The following VCAN variants were observed in gnomAD, a reference collection of about 807,000 sequenced individuals.
VCAN encodes versican.
A neutral mutation model predicts 245.5 loss-of-function variants in VCAN; 44 were observed. The observed-to-expected ratio is 0.18, with a 90% confidence interval of 0.14 to 0.23. The LOEUF is 0.23. Among genes scored for constraint, VCAN ranks in the 10% least tolerant of loss-of-function variants. VCAN has a pLI of 1.00. For synonymous variants in VCAN, 1,413 were observed against 1,437.0 expected, an observed-to-expected ratio of 0.98 and a Z score of 0.38; for missense variants, 3,793 against 4,057.9, an observed-to-expected ratio of 0.93 and a Z score of 1.77.
Position 83,512,086 on chromosome 5 carries a change from C to A in VCAN, c.749-17C>A. On this transcript the variant is annotated splice_polypyrimidine_tract_variant and intron_variant, in intron 5 of 14. Transcript: ENST00000265077. ...ATAATAAAACTTTGGGCTTTTTTTC[C>A]CTTCTTTTTTTTCCAGGTGATGTGT... is the stretch of plus-strand genomic sequence containing the variant. 1.2e-6 allele frequency: 2 copies of A among 1,613,612 alleles called. No homozygotes were observed. Among genetic ancestry groups the A allele is most frequent in the South Asian group, 2.2e-5 (2 of 91,018 alleles).
In VCAN at chr5:83,541,683, C is replaced by A; in HGVS notation, c.8680C>A (p.Pro2894Thr). The A allele has an allele frequency of 6.2e-7, 1 of 1,613,904 alleles. No homozygotes were observed. The highest frequency in any genetic ancestry group is 8.5e-7 in the Non-Finnish European group (1 of 1,179,994). ...LHITEPPSLS[P>T]DTKLEPSEDD... Reference sequence around the variant, plus strand: ...CATAACTGAGCCTCCCTCTTTATCTCCTGACACAAAATTAGAACCTTCAGA... The same window carrying A: ...CATAACTGAGCCTCCCTCTTTATCTACTGACACAAAATTAGAACCTTCAGA... The change falls in exon 8 of 15, where the codon CCT becomes ACT. Residue 2894 changes from proline (P) to threonine (T), a missense_variant. Around this residue, in one of 5 missense-constraint regions of VCAN, gnomAD observed 3,182 missense variants for 3,250.3 expected, o/e 0.98. Coordinates refer to ENST00000265077, the MANE Select transcript of VCAN (RefSeq NM_004385.5).
At chr5:83,504,260 T>C (rs532508852) in intron 5 of VCAN, among the ~76,000 whole-genome samples, 2 of 152,356 alleles carry the variant, frequency 1.3e-5, no homozygotes, top group South Asian at 4.1e-4. Context: ...TGGAAAACTA[T>C]GGCTTAAGAT....
chr5:83,489,735 T>C (rs990045315), intron 2 of VCAN, among the ~76,000 whole-genome samples: 19 of 152,134 alleles, frequency 1.2e-4, no homozygotes, highest in Non-Finnish European at 2.2e-4. Flanking sequence ...CTAATGTTGG[T>C]CCAGTCCTTT....
intron 5 of VCAN, among the ~76,000 whole-genome samples, chr5:83,506,592 T>C (rs1745490392): frequency 6.6e-6 from 1 of 152,188 alleles, no homozygotes; most frequent in South Asian, 2.1e-4. Flanking sequence ...CACATTTTCC[T>C]CTCTTCTTCT....
rs199683750 is a variant in VCAN at position 83,540,719 on chromosome 5, G to A, written c.7716G>A (p.Ser2572=). Residue 2572 remains serine, a synonymous_variant, in exon 8 of 15, where the codon TCG becomes TCA. Transcript: ENST00000265077. ...TTGAAATTCTACCTGAGCTGACATC[G>A]GATAAAAATACTATCATAGATATTG... ...TILEILPELT[S]DKNTIIDIDH... 2.0e-5 allele frequency: 32 copies of A among 1,613,746 alleles called. No homozygotes were observed. The highest frequency in any genetic ancestry group is 1.6e-4 in the Middle Eastern group (1 of 6,062).
At chr5:83,555,060 T>A (rs1378867003) in intron 12 of VCAN, 22 bp downstream of exon 12, 1 of 1,612,388 alleles carries the variant, frequency 6.2e-7, no homozygotes, top group East Asian at 2.2e-5. Context: ...TTGAAAATGA[T>A]GTCAAGTTCT....
rs752917066 is a variant in VCAN, at chr5:83,541,556, A to T, written c.8553A>T (p.Gly2851=). 6.2e-7 allele frequency: 1 copy of T among 1,613,964 alleles called. No individual in the cohort carries two copies. The highest frequency in any genetic ancestry group is 1.1e-5 in the South Asian group (1 of 91,090). Residue 2851 remains glycine, a synonymous_variant, in exon 8 of 15, where the codon GGA becomes GGT. Transcript: ENST00000265077. ...TEIPQPSALP[G]IDVGSSVMSP... is the part of the protein sequence containing the mutation. ...TCCCCCAGCCCAGTGCTCTGCCAGG[A>T]ATAGACGTCGGCTCATCTGTAATGT...
rs1561258296 is a variant in VCAN, at chr5:83,540,943, C to T, written c.7940C>T (p.Thr2647Ile). The T allele has an allele frequency of 3.7e-6, 6 of 1,613,938 alleles. No homozygotes were observed. Among genetic ancestry groups the T allele is most frequent in the Non-Finnish European group, 3.4e-6 (4 of 1,180,002 alleles). The change falls in exon 8 of 15, where the codon ACT becomes ATT. Residue 2647 changes from threonine (T) to isoleucine (I), a missense_variant. Coordinates refer to ENST00000265077, the MANE Select transcript of VCAN (RefSeq NM_004385.5). ...EGSADVLASYTQATHDESMTY... is the reference protein window; with the variant it reads ...EGSADVLASYIQATHDESMTY... Reference sequence around the variant, plus strand: ...TCTGCTGATGTTCTGGCTAGCTACACTCAGGCAACACATGATGAATCAATG... The same window carrying T: ...TCTGCTGATGTTCTGGCTAGCTACATTCAGGCAACACATGATGAATCAATG...
intron 6 of VCAN, among the ~76,000 whole-genome samples, chr5:83,514,698 A>C (rs1745787581): frequency 6.6e-6 from 1 of 152,112 alleles, no homozygotes; most frequent in East Asian, 1.9e-4. Flanking sequence ...ACCTCAGGTG[A>C]TCCACCCATT....
intron 5 of VCAN, among the ~76,000 whole-genome samples, chr5:83,498,667 A>G (rs1745237349): frequency 6.6e-6 from 1 of 152,222 alleles, no homozygotes. Flanking sequence ...ATACGTGAAC[A>G]ATGAAGATGT....
chr5:83,522,244 C>T lies in VCAN; in HGVS notation c.3938C>T (p.Pro1313Leu), dbSNP rs1288495307. The T allele has an allele frequency of 6.2e-7, 1 of 1,600,554 alleles. No homozygotes were observed. Among genetic ancestry groups the T allele is most frequent in the Admixed American group, 1.7e-5 (1 of 59,960 alleles). Reference sequence around the variant, plus strand: ...CAGGCGCTTTCTACGCCACAGCCCCCAGCAAGCACAAAATTTCACCCTGAC... The same window carrying T: ...CAGGCGCTTTCTACGCCACAGCCCCTAGCAAGCACAAAATTTCACCCTGAC... ...GPQALSTPQPPASTKFHPDIN... is the reference protein window; with the variant it reads ...GPQALSTPQPLASTKFHPDIN... Residue 1313 changes from proline to leucine, a missense_variant, in exon 7 of 15, where the codon CCA becomes CTA. Around this residue, in one of 5 missense-constraint regions of VCAN, gnomAD observed 3,182 missense variants for 3,250.3 expected, o/e 0.98. Coordinates refer to ENST00000265077, the MANE Select transcript of VCAN (RefSeq NM_004385.5).
Position 83,490,080 on chromosome 5 carries a change from A to G in VCAN, c.71-18A>G, listed in dbSNP as rs143037679. ...GGTTTTTTAAGATTGTTAATTTGTT[A>G]TTTTCTCTTTCCTCTAGTCAAAGTG... is the stretch of plus-strand genomic sequence containing the variant. On this transcript the variant is annotated intron_variant, in intron 2 of 14. Transcript: ENST00000265077. 2.8e-3 allele frequency: 4,465 copies of G among 1,612,998 alleles called. 9 individuals carry two copies. Among genetic ancestry groups the G allele is most frequent in the Non-Finnish European group, 3.5e-3 (4,163 of 1,179,946 alleles).
chr5:83,562,305 T>G (rs1747896546), intron 12 of VCAN: 1 of 152,134 alleles, frequency 6.6e-6, no homozygotes, highest in Admixed American at 6.6e-5. Context: ...TAATGAAAAT[T>G]TTGACTTGTG....
Position 83,520,070 on chromosome 5 carries a change from C to T in VCAN, c.1764C>T (p.Asp588=). ...EVITVSKTSE[D]TIHTHLEDLE... is the part of the protein sequence containing the mutation. Reference sequence around the variant, plus strand: ...TTACGGTGTCAAAGACTTCAGAAGACACCATCCACACTCATTTAGAAGACT... The same window carrying T: ...TTACGGTGTCAAAGACTTCAGAAGATACCATCCACACTCATTTAGAAGACT... Residue 588 remains aspartate (D), a synonymous_variant, in exon 7 of 15, where the codon GAC becomes GAT. Coordinates refer to ENST00000265077, the MANE Select transcript of VCAN (RefSeq NM_004385.5). The T allele has an allele frequency of 6.2e-7, 1 of 1,614,068 alleles. No homozygotes were observed. The highest frequency in any genetic ancestry group is 8.5e-7 in the Non-Finnish European group (1 of 1,179,974).
At chr5:83,507,378 C>T (rs993828946) in intron 5 of VCAN, among the ~76,000 whole-genome samples, 1 of 152,196 alleles carries the variant, frequency 6.6e-6, no homozygotes, top group African/African-American at 2.4e-5. Flanking sequence ...TAGTCATTTT[C>T]TCTCACTGAA....
rs895925162 is a variant in VCAN, at chr5:83,512,571, A to G, written c.1042+175A>G. 3 of 834,234 alleles carry G rather than the reference A, an allele frequency of 3.6e-6. No homozygotes were observed. The African/African-American group carries it at 5.2e-5, about 14-fold the overall frequency. 51.7% of individuals were successfully genotyped at this position (834,234 alleles called of 1,614,324 possible). A position where few individuals can be genotyped will look rare whatever the true frequency, so the allele number is the denominator to read the frequency against. On this transcript the variant is annotated intron_variant, in intron 6 of 14. Coordinates refer to ENST00000265077, the MANE Select transcript of VCAN (RefSeq NM_004385.5). ...AACTGAACAGCAGTGATATGGTTAAAACCACAGGAATTTTGGCAAATGGAT... is the reference window on the plus strand; with the variant it reads ...AACTGAACAGCAGTGATATGGTTAAGACCACAGGAATTTTGGCAAATGGAT...
Position 83,569,006 on chromosome 5 carries a change from C to A in VCAN, c.9736-3410C>A, listed in dbSNP as rs756298469. ...TAATAATTTAACACTTGTTTTACTA[C>A]CCCCCATTTCTTTATTTATTCTTCA... On this transcript the variant is annotated intron_variant, in intron 12 of 14. Coordinates refer to ENST00000265077, the MANE Select transcript of VCAN (RefSeq NM_004385.5). Among the ~76,000 whole-genome samples the A allele has an allele frequency of 1.4e-4, 21 of 152,150 alleles. No homozygotes were observed. The Middle Eastern group carries it at 0.01, about 74-fold the overall frequency.
At chr5:83,548,176 T>A in intron 10 of VCAN, 92 bp downstream of exon 10, 1 of 929,794 alleles carries the variant, frequency 1.1e-6, no homozygotes. Flanking sequence ...GCAGTGGAAA[T>A]TCACATTTCC....
At chr5:83,563,572 C>A (rs1279239724) in intron 12 of VCAN, among the ~76,000 whole-genome samples, 1 of 152,154 alleles carries the variant, frequency 6.6e-6, no homozygotes, top group Admixed American at 6.5e-5. Context: ...GGTTTCTTAT[C>A]GGCATATGTT....
Sources: gnomAD v4.1 joint callset for allele counts (sites outside exome capture counted in the v4.1 genomes callset) on GRCh38, gnomAD v4.1.1 for gene constraint, gnomAD v4.1.1 regional missense constraint, MANE v1.5 for transcripts, NCBI Gene and HGNC (gene_info 2026-07-23, HGNC 2026-07-21) for gene names.